The following SLC4A4 variants were observed in gnomAD, a reference collection of about 807,000 sequenced individuals.
The protein encoded by SLC4A4 is electrogenic sodium bicarbonate cotransporter 1.
Under a neutral mutation model 111.5 loss-of-function variants are expected in SLC4A4, and 27 were observed. The ratio of observed to expected loss-of-function variants is 0.24; its 90% CI spans 0.18 to 0.33. The LOEUF is 0.33. Among genes scored for constraint, SLC4A4 ranks in the 10% least tolerant of loss-of-function variants. The probability of loss-of-function intolerance (pLI) is 1.00; values close to 1 mark genes in which losing one functional copy is unlikely to be tolerated. For synonymous variants in SLC4A4, 443 were observed against 463.4 expected (o/e 0.96, Z 0.57); for missense variants, 909 against 1,315.5 (o/e 0.69, Z 4.78).
intron 6 of SLC4A4, among the ~76,000 whole-genome samples, chr4:71,379,303 C>T (rs1037708450): frequency 6.6e-6 from 1 of 152,146 alleles, no homozygotes; most frequent in African/African-American, 2.4e-5. Context: ...CTGCCTAACG[C>T]CCTAATCATC....
At chr4:71,444,593 G>T (rs575404519) in intron 8 of SLC4A4, among the ~76,000 whole-genome samples, 1 of 152,266 alleles carries the variant, frequency 6.6e-6, no homozygotes, top group East Asian at 1.9e-4. Flanking sequence ...ACAAAAAACA[G>T]CTTGGGTCAT....
chr4:71,111,736 C>A (rs1416824710), intron 2 of SLC4A4, among the ~76,000 whole-genome samples: 1 of 150,572 alleles, frequency 6.6e-6, no homozygotes, highest in African/African-American at 2.4e-5. Flanking sequence ...CACTCTATCA[C>A]CCAGGCTGGA....
chr4:71,561,080 G>T (rs899292191), intron 23 of SLC4A4, among the ~76,000 whole-genome samples: 2 of 151,626 alleles, frequency 1.3e-5, no homozygotes, highest in African/African-American at 2.4e-5. Flanking sequence ...TTGAAAATTT[G>T]CTCTGGATTT....
chr4:71,112,622 A>G (rs1428217173), intron 2 of SLC4A4, among the ~76,000 whole-genome samples: 1 of 152,320 alleles, frequency 6.6e-6, no homozygotes, highest in South Asian at 2.1e-4. Context: ...TTTTGCCTCC[A>G]AAGGAAGTCA....
In SLC4A4 at chr4:71,143,350, G is replaced by A. The variant is rs1233491766; in HGVS notation, c.-2+50558G>A. The stretch of plus-strand genomic sequence containing the variant: ...CATTTTCTTAATCCAGTCTATCATT[G>A]TTGGACATTTGGGTTGGTTCCAAGT... On this transcript the variant is annotated intron_variant, in intron 2 of 26. Coordinates refer to the SLC4A4 transcript ENST00000649996. 3.3e-5 allele frequency among the ~76,000 whole-genome samples: 5 copies of A among 152,210 alleles called. No individual in the cohort carries two copies. The East Asian group carries it at 7.7e-4, about 24-fold the overall frequency.
chr4:71,237,006 G>A (rs570113178), intron 2 of SLC4A4, among the ~76,000 whole-genome samples: 3 of 152,196 alleles, frequency 2.0e-5, no homozygotes, highest in Non-Finnish European at 4.4e-5. Flanking sequence ...ATATTCAGCA[G>A]CATCTTTAAT....
At chr4:71,296,834 T>C (rs554171763) in intron 3 of SLC4A4, among the ~76,000 whole-genome samples, 1 of 152,328 alleles carries the variant, frequency 6.6e-6, no homozygotes, top group Non-Finnish European at 1.5e-5. Context: ...ACATACCTGT[T>C]TGCTTTGTTG....
At chr4:71,364,351 G>A (rs1458269599) in intron 6 of SLC4A4, among the ~76,000 whole-genome samples, 2 of 152,208 alleles carry the variant, frequency 1.3e-5, no homozygotes, top group South Asian at 2.1e-4. Flanking sequence ...AGGAATAAAT[G>A]AGATACCTTT....
At chr4:71,238,371 T>TA (rs150798595) in intron 2 of SLC4A4, among the ~76,000 whole-genome samples, 4,139 of 152,296 alleles carry the variant, frequency 0.027, 124 homozygotes, top group South Asian at 0.15. Flanking sequence ...AGCACAAAAT[T>TA]AAGACGACAA....
chr4:71,412,928 T>A (rs1205174455), intron 7 of SLC4A4, among the ~76,000 whole-genome samples: 1 of 152,178 alleles, frequency 6.6e-6, no homozygotes, highest in Non-Finnish European at 1.5e-5. Context: ...GAAGCCGACT[T>A]TGGGCTTGAC....
intron 16 of SLC4A4, among the ~76,000 whole-genome samples, chr4:71,524,286 G>A (rs1733222324): frequency 6.6e-6 from 1 of 152,058 alleles, no homozygotes; most frequent in South Asian, 2.1e-4. Context: ...TTTTCCATGT[G>A]GTTTGATCAT....
chr4:71,257,701 G>C (rs953170585), intron 3 of SLC4A4, among the ~76,000 whole-genome samples: 4 of 152,126 alleles, frequency 2.6e-5, no homozygotes, highest in Non-Finnish European at 5.9e-5. Flanking sequence ...TGTTTGAGTT[G>C]CTTATGTCCA....
chr4:71,067,657 C>T (rs1016191127), intron 1 of SLC4A4, among the ~76,000 whole-genome samples: 4 of 152,122 alleles, frequency 2.6e-5, no homozygotes, highest in Non-Finnish European at 4.4e-5. Context: ...ATTTGGATAA[C>T]CCAGGCCTAA....
At chr4:71,301,567 GCCCCAGCTCCTTATTCTGCCTC>G (rs1317427902) in intron 3 of SLC4A4, among the ~76,000 whole-genome samples, 1 of 152,224 alleles carries the variant, frequency 6.6e-6, no homozygotes, top group Non-Finnish European at 1.5e-5. Context: ...CTACCTGCAG[GCCCCAGCTCCTTATTCTGCCTC>G]CCTCATAGCA....
chr4:71,332,816 C>T (rs544558197), intron 3 of SLC4A4, among the ~76,000 whole-genome samples: 4 of 152,168 alleles, frequency 2.6e-5, no homozygotes, highest in East Asian at 1.9e-4. Context: ...ATGCATCCTT[C>T]GGTATGTCAG....
intron 1 of SLC4A4, among the ~76,000 whole-genome samples, chr4:71,067,280 A>G (rs1411026241): frequency 6.6e-6 from 1 of 152,214 alleles, no homozygotes; most frequent in Non-Finnish European, 1.5e-5. Context: ...TTAATTTTCA[A>G]AAACATTTTT....
intron 2 of SLC4A4, among the ~76,000 whole-genome samples, chr4:71,114,556 A>G (rs1313349225): frequency 2.6e-4 from 36 of 140,154 alleles, no homozygotes; most frequent in Middle Eastern, 3.7e-3. Flanking sequence ...AAAAGAAGAC[A>G]TTTATGCAGT....
chr4:71,504,359 A>T (rs1731200595), intron 16 of SLC4A4, among the ~76,000 whole-genome samples: 1 of 152,026 alleles, frequency 6.6e-6, no homozygotes, highest in Admixed American at 6.6e-5. Context: ...TCAAAAGATG[A>T]CTTCAAGTTC....
chr4:71,452,096 A>C (rs1725817501), intron 11 of SLC4A4, among the ~76,000 whole-genome samples: 1 of 2,464 alleles, frequency 4.1e-4, no homozygotes, highest in Non-Finnish European at 2.0e-3. Flanking sequence ...AAAACACTGC[A>C]GGGTTTTTTT....
Sources: gnomAD v4.1 joint callset for allele counts (sites outside exome capture counted in the v4.1 genomes callset) on GRCh38, gnomAD v4.1.1 for gene constraint, MANE v1.5 for transcripts, NCBI Gene and HGNC (gene_info 2026-07-23, HGNC 2026-07-21) for gene names.